UGT1A3: variants seen among roughly 807,000 people sequenced by gnomAD.
The protein encoded by UGT1A3 is UDP-glucuronosyltransferase 1A3.
In UGT1A3, 31 loss-of-function variants were observed where a neutral mutation model predicts 41.0. That is an observed-to-expected ratio of 0.76 (90% CI 0.57 to 1.02). The LOEUF (loss-of-function observed/expected upper bound fraction) is 1.02. UGT1A3 is among the 50% of genes least tolerant of loss of function. The pLI is 0.00. For missense variants in UGT1A3, 737 were observed against 671.0 expected (o/e 1.10, Z -1.09); for synonymous variants, 262 against 257.6 (o/e 1.02, Z -0.17).
chr2:233,758,000 G>A (rs956611939), intron 1 of UGT1A3, among the ~76,000 whole-genome samples: 37 of 152,052 alleles, frequency 2.4e-4, no homozygotes, highest in Admixed American at 5.2e-4. Context: ...GTAATTGCCT[G>A]GTCATGAGTT....
chr2:233,745,687 G>A (rs1693175005), intron 1 of UGT1A3, among the ~76,000 whole-genome samples: 1 of 150,802 alleles, frequency 6.6e-6, no homozygotes, highest in Non-Finnish European at 1.5e-5. Context: ...ATCAAAGCAA[G>A]TTTGGAGAAC....
Position 233,772,527 on chromosome 2 carries a change from G to C in UGT1A3, c.1573G>C (p.Val525Leu), listed in dbSNP as rs769084242. The part of the protein sequence containing the change: ...YRKCLGKKGR[V>L]KKAHKSKTH ...GAAATGCTTGGGGAAAAAAGGGCGA[G>C]TTAAGAAAGCCCACAAATCCAAGAC... Residue 525 changes from valine to leucine, a missense_variant, in exon 5 of 5, where the codon GTT (valine) becomes CTT (leucine). Physicochemically the swap from Val to Leu is conservative, Grantham distance 32 (BLOSUM62 1). Coordinates refer to ENST00000482026, the MANE Select transcript of UGT1A3 (RefSeq NM_019093.4). The C allele has an allele frequency of 1.9e-6, 3 of 1,614,046 alleles. No homozygotes were observed. The highest frequency in any genetic ancestry group is 1.6e-4 in the Middle Eastern group (1 of 6,084).
chr2:233,743,017 T>C (rs1054805), intron 1 of UGT1A3: 1 of 239,620 alleles, frequency 4.2e-6, no homozygotes, highest in Non-Finnish European at 8.3e-6. Flanking sequence ...TTACAACGAT[T>C]GAAAGACAAA....
Position 233,743,944 on chromosome 2 carries a change from C to G in UGT1A3, c.867+13951C>G, listed in dbSNP as rs558062868. 11 of 1,351,522 alleles carry G rather than the reference C, an allele frequency of 8.1e-6. No individual in the cohort carries two copies. In the Admixed American group the frequency reaches 1.2e-4, roughly 14 times the overall value. The allele number at this position is 1,351,522 out of a possible 1,614,324, so 83.7% of individuals were successfully genotyped here. A position where few individuals can be genotyped will look rare whatever the true frequency, so the allele number is the denominator to read the frequency against. ...TGGATGGCCAGAACGGCCCACCAGG[C>G]ACTGGCACAGCGAGCGGCAAGGCTG... On this transcript the variant is annotated intron_variant, in intron 1 of 4. Transcript: ENST00000482026.
intron 1 of UGT1A3, chr2:233,760,989 C>T: frequency 6.2e-7 from 1 of 1,614,198 alleles, no homozygotes; most frequent in Non-Finnish European, 8.5e-7. Context: ...CAACCCTTGC[C>T]TCAGAATTCC....
chr2:233,749,360 T>C (rs1258225347), intron 1 of UGT1A3, among the ~76,000 whole-genome samples: 1 of 151,902 alleles, frequency 6.6e-6, no homozygotes, highest in South Asian at 2.1e-4. Flanking sequence ...AAATAGTGAC[T>C]CTTGCCCTTT....
rs1699515943 is a variant in UGT1A3 at position 233,767,916 on chromosome 2, T to A, written c.1067T>A (p.Leu356Gln). The A allele has an allele frequency of 6.2e-7, 1 of 1,614,242 alleles. No homozygotes were observed. Among genetic ancestry groups the A allele is most frequent in the Non-Finnish European group, 8.5e-7 (1 of 1,180,052 alleles). The stretch of plus-strand genomic sequence containing the variant: ...AACAACACGATACTTGTTAAGTGGC[T>A]ACCCCAAAACGATCTGCTTGGTATG... ...LANNTILVKW[L>Q]PQNDLLGHPM... The change falls in exon 3 of 5, where the codon CTA becomes CAA. Residue 356 changes from leucine (L) to glutamine (Q), a missense_variant. By Grantham distance (113) the Leu-to-Gln change is moderately radical. Coordinates refer to ENST00000482026, the MANE Select transcript of UGT1A3 (RefSeq NM_019093.4).
intron 1 of UGT1A3, among the ~76,000 whole-genome samples, chr2:233,766,590 C>T (rs1008625240): frequency 6.6e-6 from 1 of 152,194 alleles, no homozygotes; most frequent in Admixed American, 6.5e-5. Context: ...GTGGAGCCCT[C>T]GCCAGGGACC....
Position 233,757,535 on chromosome 2 carries a change from A to AATATATATACATATACATATAT in UGT1A3, c.868-9490_868-9489insCATATACATATATATATATATA, listed in dbSNP as rs376887521. Among the ~76,000 whole-genome samples, 172 of 87,958 alleles carry AATATATATACATATACATATAT rather than the reference A, an allele frequency of 2.0e-3. 2 individuals carry two copies. The highest frequency in any genetic ancestry group is 3.2e-3 in the South Asian group (6 of 1,904). The allele number at this position is 87,958 out of a possible 152,430, so 57.7% of individuals were successfully genotyped here. On this transcript the variant is annotated intron_variant, in intron 1 of 4. Coordinates refer to ENST00000482026, the MANE Select transcript of UGT1A3 (RefSeq NM_019093.4). ...CAAAGCCAAAATCTTGCCTGTAAGG[A>AATATATATACATATACATATAT]ATATATATATATATATATATATATA... is the stretch of plus-strand genomic sequence containing the variant.
At chr2:233,768,122 G>A in intron 3 of UGT1A3, 98 bp from the exon 4 acceptor site, 1 of 1,602,552 alleles carries the variant, frequency 6.2e-7, no homozygotes, top group Non-Finnish European at 8.5e-7. Flanking sequence ...GGGCATGTGA[G>A]TAACACTGAG....
intron 1 of UGT1A3, among the ~76,000 whole-genome samples, chr2:233,761,349 C>T (rs963345880): frequency 6.6e-6 from 1 of 152,178 alleles, no homozygotes; most frequent in African/African-American, 2.4e-5. Flanking sequence ...TCTGAGATTT[C>T]GGGAAAGCAT....
At chr2:233,767,568 T>C (rs1394271023) in intron 2 of UGT1A3, among the ~76,000 whole-genome samples, 2 of 152,252 alleles carry the variant, frequency 1.3e-5, no homozygotes, top group African/African-American at 4.8e-5. Flanking sequence ...CTTGTTTCAT[T>C]AAGCAAACTT....
rs1700559887 is a variant in UGT1A3, at chr2:233,772,963, A to G, written c.*404A>G. On this transcript the variant is annotated 3_prime_UTR_variant, in exon 5 of 5. Coordinates refer to ENST00000482026, the MANE Select transcript of UGT1A3 (RefSeq NM_019093.4). ...TGGCTTCTGCAGATGGTTGCAATTG[A>G]TCCTTAACCAATAATGGTCAGTCCT... 3.2e-6 allele frequency: 1 copy of G among 310,458 alleles called. No homozygotes were observed. Among genetic ancestry groups the G allele is most frequent in the South Asian group, 3.3e-5 (1 of 30,404 alleles). 19.2% of individuals were successfully genotyped at this position (310,458 alleles called of 1,614,324 possible).
chr2:233,753,118 A>G (rs1695134024), intron 1 of UGT1A3: 1 of 152,220 alleles, frequency 6.6e-6, no homozygotes, highest in Non-Finnish European at 1.5e-5. Context: ...CATCCCCAGC[A>G]AACTACTCAG....
intron 1 of UGT1A3, chr2:233,754,702 T>A (rs1695559968): frequency 5.8e-6 from 3 of 514,810 alleles, no homozygotes; most frequent in Non-Finnish European, 1.1e-5. Context: ...GAAGTCGACA[T>A]GGACTTGAAG....
chr2:233,767,896 C>T lies in UGT1A3; in HGVS notation c.1047C>T (p.Asn349=), dbSNP rs1260686155. ...CCCGACCATCGAATCTTGCGAACAACACGATACTTGTTAAGTGGCTACCCC... is the reference window on the plus strand; with the variant it reads ...CCCGACCATCGAATCTTGCGAACAATACGATACTTGTTAAGTGGCTACCCC... ...TGTRPSNLAN[N]TILVKWLPQN... The change falls in exon 3 of 5, where the codon AAC becomes AAT. Residue 349 remains asparagine (N), a synonymous_variant. Transcript: ENST00000482026. 2.5e-6 allele frequency: 4 copies of T among 1,614,050 alleles called. No homozygotes were observed. Among genetic ancestry groups the T allele is most frequent in the African/African-American group, 1.3e-5 (1 of 74,912 alleles).
chr2:233,748,068 C>G, intron 1 of UGT1A3: 1 of 1,613,324 alleles, frequency 6.2e-7, no homozygotes, highest in Non-Finnish European at 8.5e-7. Flanking sequence ...CAACAGGAAG[C>G]CACTATCTCA....
At chr2:233,745,938 G>A (rs1693254361) in intron 1 of UGT1A3, among the ~76,000 whole-genome samples, 1 of 151,696 alleles carries the variant, frequency 6.6e-6, no homozygotes, top group East Asian at 1.9e-4. Flanking sequence ...GGGACAGCTG[G>A]GGGTTGGGCA....
chr2:233,770,703 G>C (rs1283135440), intron 4 of UGT1A3: 2 of 151,540 alleles, frequency 1.3e-5, no homozygotes, highest in African/African-American at 4.8e-5. Flanking sequence ...TCATCTTAAG[G>C]TTTATGTAAA....
Sources: gnomAD v4.1 joint callset for allele counts (sites outside exome capture counted in the v4.1 genomes callset) on GRCh38, gnomAD v4.1.1 for gene constraint, MANE v1.5 for transcripts, NCBI Gene and HGNC (gene_info 2026-07-23, HGNC 2026-07-21) for gene names.